SLC6A11: variants seen among roughly 807,000 people sequenced by gnomAD.
SLC6A11 encodes solute carrier family 6 member 11, also known as sodium- and chloride-dependent GABA transporter 3.
SLC6A11 carries 25 observed loss-of-function variants against 74.8 expected under a neutral mutation model. The observed-to-expected ratio is 0.33, with a 90% CI of 0.24 to 0.47. The LOEUF (loss-of-function observed/expected upper bound fraction) is 0.47. Among genes scored for constraint, SLC6A11 ranks in the 20% least tolerant of loss-of-function variants. SLC6A11 has a pLI of 1.00. For missense variants in SLC6A11, 574 were observed against 837.0 expected (o/e 0.69, Z 3.88); for synonymous variants, 330 against 330.2 (o/e 1.00, Z 0.01).
chr3:10,849,644 A>G (rs1694547187), intron 5 of SLC6A11, among the ~76,000 whole-genome samples: 1 of 152,226 alleles, frequency 6.6e-6, no homozygotes, highest in South Asian at 2.1e-4. Flanking sequence ...GCAGACATGC[A>G]GAATGATACA....
intron 5 of SLC6A11, among the ~76,000 whole-genome samples, chr3:10,858,435 C>T (rs547433772): frequency 5.5e-4 from 83 of 152,264 alleles, no homozygotes; most frequent in African/African-American, 1.9e-3. Flanking sequence ...GGATGGTCCC[C>T]CACACTGTAG....
At chr3:10,902,070 CTG>C (rs773694134) in intron 6 of SLC6A11, among the ~76,000 whole-genome samples, 12 of 143,042 alleles carry the variant, frequency 8.4e-5, no homozygotes, top group Non-Finnish European at 1.7e-4. Flanking sequence ...GTGCGTGTGT[CTG>C]TGTGTGTGTG....
intron 6 of SLC6A11, among the ~76,000 whole-genome samples, chr3:10,884,504 G>A (rs538521559): frequency 2.3e-4 from 35 of 152,216 alleles, no homozygotes; most frequent in Non-Finnish European, 4.3e-4. Context: ...CTCTACCAAT[G>A]AGAGGACTGA....
intron 4 of SLC6A11, among the ~76,000 whole-genome samples, chr3:10,842,958 CT>C (rs1694456782): frequency 6.6e-6 from 1 of 152,130 alleles, no homozygotes; most frequent in Non-Finnish European, 1.5e-5. Context: ...GAGACAGACA[CT>C]GAGGGTGGCT....
intron 8 of SLC6A11, among the ~76,000 whole-genome samples, chr3:10,919,659 C>T (rs539738667): frequency 6.6e-6 from 1 of 152,314 alleles, no homozygotes; most frequent in Non-Finnish European, 1.5e-5. Flanking sequence ...ATCAGAGATG[C>T]AAGGGCCCCT....
chr3:10,876,007 A>G lies in SLC6A11; in HGVS notation c.891+912A>G, dbSNP rs375544258. On this transcript the variant is annotated intron_variant, in intron 6 of 13. Coordinates refer to ENST00000254488, the MANE Select transcript of SLC6A11 (RefSeq NM_014229.3). Reference sequence around the variant, plus strand: ...AAGACATTTGAGCAGGCAAGCAGGCACTCATTTTTCTGTTAAAACACAGAA... The same window carrying G: ...AAGACATTTGAGCAGGCAAGCAGGCGCTCATTTTTCTGTTAAAACACAGAA... Among the ~76,000 whole-genome samples, 3 of 152,340 alleles carry G rather than the reference A, an allele frequency of 2.0e-5. 1 individual carries two copies. The East Asian group carries it at 5.8e-4, about 29-fold the overall frequency.
At chr3:10,848,993 G>T (rs896414016) in intron 5 of SLC6A11, among the ~76,000 whole-genome samples, 3 of 152,200 alleles carry the variant, frequency 2.0e-5, no homozygotes, top group Non-Finnish European at 4.4e-5. Context: ...TCTCCAGCTT[G>T]GAGTTACTGT....
intron 5 of SLC6A11, among the ~76,000 whole-genome samples, chr3:10,857,584 G>A (rs560419523): frequency 6.6e-6 from 1 of 152,238 alleles, no homozygotes; most frequent in East Asian, 1.9e-4. Context: ...CCAGAGAAGA[G>A]CCTTATCCTG....
At chr3:10,912,006 G>T in intron 6 of SLC6A11, 84 bp from the exon 7 acceptor site, 1 of 894,658 alleles carries the variant, frequency 1.1e-6, no homozygotes. Context: ...GTAGAGTGTG[G>T]GTGGGGGATT....
At chr3:10,823,482 C>G (rs1480555214) in intron 4 of SLC6A11, 90 bp downstream of exon 4, 2 of 856,516 alleles carry the variant, frequency 2.3e-6, no homozygotes, top group Non-Finnish European at 2.0e-6. Context: ...TGGAAAAAGC[C>G]TGATCCTTCT....
intron 5 of SLC6A11, among the ~76,000 whole-genome samples, chr3:10,871,896 T>C (rs1694832183): frequency 6.6e-6 from 1 of 152,208 alleles, no homozygotes; most frequent in Non-Finnish European, 1.5e-5. Context: ...GTTACCATCA[T>C]TGCAGAACAG....
chr3:10,882,307 G>T (rs953631233), intron 6 of SLC6A11, among the ~76,000 whole-genome samples: 1 of 152,216 alleles, frequency 6.6e-6, no homozygotes, highest in Non-Finnish European at 1.5e-5. Context: ...AAAATTGTTT[G>T]AAAGTCTAAC....
At chr3:10,822,483 G>A (rs1258785118) in intron 3 of SLC6A11, among the ~76,000 whole-genome samples, 1 of 152,152 alleles carries the variant, frequency 6.6e-6, no homozygotes, top group Non-Finnish European at 1.5e-5. Flanking sequence ...TATAGGTGGG[G>A]GTCCCTTGAC....
At position 10,929,297 on chromosome 3, in the gene SLC6A11, G is replaced by T. The variant is rs765403813; in HGVS notation, c.1329G>T (p.Leu443Phe). Residue 443 changes from leucine (L) to phenylalanine (F), a missense_variant, in exon 10 of 14, where the codon TTG (leucine) becomes TTT (phenylalanine). By Grantham distance (22) the Leu-to-Phe change is conservative. This residue lies in a region of SLC6A11 where 257 missense variants were observed against 341.5 expected (regional missense o/e 0.75). Transcript: ENST00000254488. Reference protein sequence around the residue: ...GYRRELLILALSVISYFLGLV... With the variant: ...GYRRELLILAFSVISYFLGLV... ...GGCGGGAGCTGCTCATCCTAGCCTT[G>T]TCTGTTATCTCCTATTTTCTGGGCC... is the stretch of plus-strand genomic sequence containing the variant. The T allele has an allele frequency of 1.9e-6, 3 of 1,614,118 alleles. No homozygotes were observed. In the South Asian group the frequency reaches 3.3e-5, roughly 18 times the overall value.
At chr3:10,875,588 G>A (rs1694897624) in intron 6 of SLC6A11, among the ~76,000 whole-genome samples, 1 of 152,182 alleles carries the variant, frequency 6.6e-6, no homozygotes, top group Non-Finnish European at 1.5e-5. Flanking sequence ...AGTGCATCTT[G>A]GTGAGAGAAA....
Position 10,868,658 on chromosome 3 carries a change from A to G in SLC6A11, c.757-6303A>G, listed in dbSNP as rs1694792966. Among the ~76,000 whole-genome samples, 3 of 152,210 alleles carry G rather than the reference A, an allele frequency of 2.0e-5. No individual in the cohort carries two copies. In the South Asian group the frequency reaches 6.2e-4, roughly 32 times the overall value. On this transcript the variant is annotated intron_variant, in intron 5 of 13. Coordinates refer to ENST00000254488, the MANE Select transcript of SLC6A11 (RefSeq NM_014229.3). ...ACGCCCACCCTTCTGGGTCTGGGCC[A>G]CTACTGGCAGTGGCCAGGAACAGCC...
At chr3:10,912,331 A>G in intron 7 of SLC6A11, 138 bp downstream of exon 7, 1 of 650,392 alleles carries the variant, frequency 1.5e-6, no homozygotes, top group Non-Finnish European at 2.8e-6. Flanking sequence ...GCCTCCCACT[A>G]CCGAAGGGTC....
At position 10,845,319 on chromosome 3, in the gene SLC6A11, A is replaced by G. The variant is rs1694489642; in HGVS notation, c.756+973A>G. ...TTGGCCACAGTCCCCACCATTCCAT[A>G]TCACCCCCAATCCTGTGGCTGAGTA... On this transcript the variant is annotated intron_variant, in intron 5 of 13. Coordinates refer to ENST00000254488, the MANE Select transcript of SLC6A11 (RefSeq NM_014229.3). 2.6e-5 allele frequency among the ~76,000 whole-genome samples: 4 copies of G among 152,110 alleles called. No homozygotes were observed. The South Asian group carries it at 8.3e-4, about 32-fold the overall frequency.
In SLC6A11 at chr3:10,883,419, A is replaced by G. The variant is rs1426466015; in HGVS notation, c.891+8324A>G. On this transcript the variant is annotated intron_variant, in intron 6 of 13. Transcript: ENST00000254488. ...TCAAGTGTGTGTTTTCAGGGCAAGA[A>G]CAGAAAGGCCTGTCACAGATCCAAA... Among the ~76,000 whole-genome samples, 4 of 152,068 alleles carry G rather than the reference A, an allele frequency of 2.6e-5. No individual in the cohort carries two copies. The East Asian group carries it at 7.7e-4, about 29-fold the overall frequency.
Sources: allele counts gnomAD v4.1 joint callset (sites outside exome capture counted in the v4.1 genomes callset), GRCh38; gene constraint gnomAD v4.1.1; regional missense constraint gnomAD v4.1.1; transcripts MANE v1.5; gene names NCBI Gene and HGNC (gene_info 2026-07-23, HGNC 2026-07-21).